The following RAD51B variants were observed in gnomAD, a reference collection of about 807,000 sequenced individuals.
The protein encoded by RAD51B is RAD51 paralog B.
A neutral mutation model predicts 42.2 loss-of-function variants in RAD51B; 38 were observed. That is an observed-to-expected ratio of 0.90 (90% CI 0.70 to 1.18). The LOEUF (loss-of-function observed/expected upper bound fraction) is 1.18. RAD51B is among the 50% of genes most tolerant of loss of function. The pLI is 0.00. For synonymous variants in RAD51B, 154 were observed against 145.2 expected, an observed-to-expected ratio of 1.06 and a Z score of -0.43; for missense variants, 373 against 400.7, an observed-to-expected ratio of 0.93 and a Z score of 0.59.
intron 7 of RAD51B, among the ~76,000 whole-genome samples, chr14:67,913,895 C>T (rs1291717323): frequency 6.6e-6 from 1 of 151,926 alleles, no homozygotes; most frequent in Non-Finnish European, 1.5e-5. Flanking sequence ...TTTTTTTGCA[C>T]CCATAAACCA....
chr14:68,147,033 A>C (rs1383113687), intron 7 of RAD51B, among the ~76,000 whole-genome samples: 2 of 152,210 alleles, frequency 1.3e-5, no homozygotes, highest in Non-Finnish European at 2.9e-5. Context: ...GCAAGCATTG[A>C]GACTCGCCAC....
chr14:68,274,288 C>T (rs1275663128), intron 7 of RAD51B, among the ~76,000 whole-genome samples: 3 of 152,122 alleles, frequency 2.0e-5, no homozygotes, highest in Non-Finnish European at 2.9e-5. Flanking sequence ...ACAATGTAAG[C>T]ATTCATGGCA....
At chr14:68,467,534 A>G (rs2086015356) in intron 9 of RAD51B, among the ~76,000 whole-genome samples, 1 of 152,258 alleles carries the variant, frequency 6.6e-6, no homozygotes, top group African/African-American at 2.4e-5. Flanking sequence ...CACAAACGTT[A>G]AGAGAACAAC....
chr14:67,852,490 C>T (rs1341505569), intron 4 of RAD51B, among the ~76,000 whole-genome samples: 2 of 152,198 alleles, frequency 1.3e-5, no homozygotes, highest in Non-Finnish European at 2.9e-5. Context: ...CGATGTGAAC[C>T]TTTCCATAGG....
At chr14:68,446,944 C>T (rs531530962) in intron 9 of RAD51B, among the ~76,000 whole-genome samples, 21 of 152,200 alleles carry the variant, frequency 1.4e-4, no homozygotes, top group African/African-American at 3.9e-4. Flanking sequence ...AAGCTGGGTG[C>T]GGTGGCTCAT....
chr14:68,338,744 G>T, intron 8 of RAD51B: 1 of 431,998 alleles, frequency 2.3e-6, no homozygotes, highest in Non-Finnish European at 4.4e-6. Flanking sequence ...CAGTTCAGTG[G>T]CAAAGTTCTT....
Position 68,116,661 on chromosome 14 carries a change from G to A in RAD51B, c.757-175223G>A, listed in dbSNP as rs56933151. Reference sequence around the variant, plus strand: ...ATTACTACATTTCTATAGTAATTTCGCAGTGTAAATGCTGAATGAATGTGA... The same window carrying A: ...ATTACTACATTTCTATAGTAATTTCACAGTGTAAATGCTGAATGAATGTGA... On this transcript the variant is annotated intron_variant, in intron 7 of 10. Transcript: ENST00000471583. Among the ~76,000 whole-genome samples, 798 of 152,066 alleles carry A rather than the reference G, an allele frequency of 5.2e-3. 5 individuals carry two copies. Among genetic ancestry groups the A allele is most frequent in the African/African-American group, 0.018 (754 of 41,484 alleles).
At chr14:68,219,384 A>C (rs1226228402) in intron 7 of RAD51B, among the ~76,000 whole-genome samples, 1 of 152,182 alleles carries the variant, frequency 6.6e-6, no homozygotes, top group African/African-American at 2.4e-5. Context: ...GTGGCCAACT[A>C]ACACAAAACC....
At chr14:67,884,964 A>G (rs1273275930) in intron 5 of RAD51B, among the ~76,000 whole-genome samples, 1 of 152,156 alleles carries the variant, frequency 6.6e-6, no homozygotes, top group Non-Finnish European at 1.5e-5. Context: ...TTAGAAATGA[A>G]AACACTGTTC....
At chr14:68,108,763 G>A (rs931791079) in intron 7 of RAD51B, among the ~76,000 whole-genome samples, 4 of 151,872 alleles carry the variant, frequency 2.6e-5, no homozygotes, top group African/African-American at 9.7e-5. Context: ...CGAATTTTAT[G>A]ATATGTGAGT....
chr14:68,530,079 TG>T (rs1887179500), intron 10 of RAD51B, among the ~76,000 whole-genome samples: 1 of 152,148 alleles, frequency 6.6e-6, no homozygotes, highest in Non-Finnish European at 1.5e-5. Context: ...GAAGATATAC[TG>T]AGAAGCTCCA....
intron 7 of RAD51B, among the ~76,000 whole-genome samples, chr14:68,113,237 CATA>C (rs1400545844): frequency 6.6e-6 from 1 of 152,028 alleles, no homozygotes. Flanking sequence ...TTTCACCATG[CATA>C]ATAACAAAGA....
At position 68,468,467 on chromosome 14, in the gene RAD51B, C is replaced by A. The variant is rs2086040945; in HGVS notation, c.1036+217C>A. On this transcript the variant is annotated intron_variant, in intron 10 of 10. Coordinates refer to ENST00000471583, the MANE Select transcript of RAD51B (RefSeq NM_133510.4). ...TTGAGGTAGGGCCGAAGGAGACCTA[C>A]AGAATTTCCTAACAGAATGAGACAA... The A allele has an allele frequency of 7.8e-6, 5 of 638,858 alleles. No homozygotes were observed. In the Admixed American group the frequency reaches 1.1e-4, roughly 14 times the overall value. 39.6% of individuals were successfully genotyped at this position (638,858 alleles called of 1,614,324 possible). A position where few individuals can be genotyped will look rare whatever the true frequency, so the allele number is the denominator to read the frequency against.
At chr14:68,675,683 T>G (rs768594936) in intron 11 of RAD51B, among the ~76,000 whole-genome samples, 28 of 152,228 alleles carry the variant, frequency 1.8e-4, no homozygotes, top group Non-Finnish European at 3.4e-4. Flanking sequence ...ACACATCAGA[T>G]TAAGGTAGAT....
intron 7 of RAD51B, among the ~76,000 whole-genome samples, chr14:67,929,148 TCTTG>T (rs1458331627): frequency 6.6e-6 from 1 of 152,142 alleles, no homozygotes; most frequent in African/African-American, 2.4e-5. Context: ...TTTTCTTTGT[TCTTG>T]CTTTTTAGTT....
At chr14:68,214,093 G>C (rs1422069750) in intron 7 of RAD51B, among the ~76,000 whole-genome samples, 1 of 152,270 alleles carries the variant, frequency 6.6e-6, no homozygotes, top group East Asian at 1.9e-4. Flanking sequence ...CTCAGAGTCA[G>C]GTAAGGCCCT....
chr14:67,872,525 A>G (rs1336572118), intron 5 of RAD51B, among the ~76,000 whole-genome samples: 3 of 146,392 alleles, frequency 2.0e-5, no homozygotes, highest in African/African-American at 7.6e-5. Context: ...AAGGTAATTT[A>G]CAGATTCAAT....
chr14:67,864,160 C>T (rs1334249895), intron 4 of RAD51B, among the ~76,000 whole-genome samples: 4 of 152,154 alleles, frequency 2.6e-5, no homozygotes, highest in African/African-American at 9.7e-5. Flanking sequence ...TAATCACCTC[C>T]CACCAGGCCC....
chr14:67,935,661 C>T (rs1298359403), intron 7 of RAD51B, among the ~76,000 whole-genome samples: 1 of 152,216 alleles, frequency 6.6e-6, no homozygotes, highest in African/African-American at 2.4e-5. Context: ...GCCACTGCCC[C>T]TGGCCAACTC....
Sources: gnomAD v4.1 joint callset for allele counts (sites outside exome capture counted in the v4.1 genomes callset) on GRCh38, gnomAD v4.1.1 for gene constraint, MANE v1.5 for transcripts, NCBI Gene and HGNC (gene_info 2026-07-23, HGNC 2026-07-21) for gene names.